The following PRKG1 variants were observed in gnomAD, a reference collection of about 807,000 sequenced individuals.
PRKG1 encodes protein kinase cGMP-dependent 1, also known as cGMP-dependent protein kinase 1.
Under a neutral mutation model 88.1 loss-of-function variants are expected in PRKG1, and 35 were observed. The ratio of observed to expected loss-of-function variants is 0.40; its 90% confidence interval spans 0.30 to 0.53. The LOEUF (loss-of-function observed/expected upper bound fraction) is 0.53, where lower values mean the gene tolerates loss of function less well. Ranked by LOEUF, PRKG1 falls within the 20% of genes least tolerant of loss-of-function variation. PRKG1 has a pLI of 0.59. For synonymous variants in PRKG1, 303 were observed against 292.5 expected (o/e 1.04, Z -0.37); for missense variants, 540 against 839.8 (o/e 0.64, Z 4.41).
intron 2 of PRKG1, among the ~76,000 whole-genome samples, chr10:51,406,293 T>C (rs1218828354): frequency 6.6e-6 from 1 of 152,222 alleles, no homozygotes; most frequent in African/African-American, 2.4e-5. Flanking sequence ...AAGTAAAGCC[T>C]GGCTCAGGTG....
At chr10:51,629,037 G>C (rs1839457318) in intron 3 of PRKG1, among the ~76,000 whole-genome samples, 1 of 152,000 alleles carries the variant, frequency 6.6e-6, no homozygotes. Flanking sequence ...AATCAATTTA[G>C]TGGTTAACAA....
chr10:51,736,305 G>T (rs1210647552), intron 3 of PRKG1, among the ~76,000 whole-genome samples: 1 of 152,074 alleles, frequency 6.6e-6, no homozygotes. Flanking sequence ...TAATAGAGAT[G>T]CTGTCTCAAT....
chr10:52,102,806 A>G (rs984824131), intron 7 of PRKG1, among the ~76,000 whole-genome samples: 9 of 152,052 alleles, frequency 5.9e-5, no homozygotes, highest in African/African-American at 2.2e-4. Flanking sequence ...ATTTCCACTT[A>G]CTAAAGACTG....
chr10:52,129,475 AAT>A (rs913152406), intron 7 of PRKG1, among the ~76,000 whole-genome samples: 6 of 152,182 alleles, frequency 3.9e-5, no homozygotes, highest in African/African-American at 1.2e-4. Flanking sequence ...GTCAAGGATT[AAT>A]ATATATGTTA....
At chr10:52,063,020 T>A (rs541013472) in intron 7 of PRKG1, among the ~76,000 whole-genome samples, 1 of 152,316 alleles carries the variant, frequency 6.6e-6, no homozygotes, top group East Asian at 1.9e-4. Context: ...AAACAATTGT[T>A]ATGGGGTCTT....
At chr10:51,452,723 G>A (rs1387795484) in intron 2 of PRKG1, among the ~76,000 whole-genome samples, 1 of 152,036 alleles carries the variant, frequency 6.6e-6, no homozygotes, top group Non-Finnish European at 1.5e-5. Flanking sequence ...TTGCATCTGT[G>A]TTCATCAGGG....
intron 2 of PRKG1, among the ~76,000 whole-genome samples, chr10:51,459,277 T>A (rs1332005569): frequency 1.3e-5 from 2 of 152,196 alleles, no homozygotes; most frequent in East Asian, 3.9e-4. Flanking sequence ...GGGTAGGACA[T>A]TTATTCTGGC....
At chr10:51,505,301 T>A (rs926210083) in intron 3 of PRKG1, among the ~76,000 whole-genome samples, 2 of 152,232 alleles carry the variant, frequency 1.3e-5, no homozygotes, top group African/African-American at 4.8e-5. Context: ...TGAACCAGCC[T>A]TGCATCCCAG....
chr10:51,534,823 A>G (rs1489965238), intron 3 of PRKG1, among the ~76,000 whole-genome samples: 1 of 152,150 alleles, frequency 6.6e-6, no homozygotes, highest in Non-Finnish European at 1.5e-5. Flanking sequence ...ATCTAGGAGG[A>G]TTGGTGAAAT....
At chr10:51,363,192 T>C (rs961899796) in intron 2 of PRKG1, among the ~76,000 whole-genome samples, 95 of 150,916 alleles carry the variant, frequency 6.3e-4, no homozygotes, top group African/African-American at 2.2e-3. Flanking sequence ...AATAAAGTCT[T>C]CCAGAGGGGA....
intron 5 of PRKG1, among the ~76,000 whole-genome samples, chr10:52,038,419 G>GT (rs1845671812): frequency 6.6e-6 from 1 of 151,742 alleles, no homozygotes; most frequent in African/African-American, 2.4e-5. Context: ...GAAATAAGGG[G>GT]TCGAGCATGG....
At chr10:51,460,613 T>C (rs1033941467) in intron 2 of PRKG1, among the ~76,000 whole-genome samples, 1 of 152,290 alleles carries the variant, frequency 6.6e-6, no homozygotes, top group Middle Eastern at 3.4e-3. Context: ...CAAACACTTA[T>C]CTAGTGCTTG....
intron 3 of PRKG1, among the ~76,000 whole-genome samples, chr10:51,525,073 T>A (rs749410619): frequency 6.6e-6 from 1 of 151,482 alleles, no homozygotes; most frequent in Non-Finnish European, 1.5e-5. Context: ...ATAATCAGTA[T>A]AAAGCACATC....
intron 2 of PRKG1, among the ~76,000 whole-genome samples, chr10:51,179,386 A>G (rs1368316213): frequency 1.3e-5 from 2 of 152,252 alleles, no homozygotes; most frequent in Non-Finnish European, 2.9e-5. Flanking sequence ...GTGATGATTT[A>G]GAGAAGGTTA....
intron 3 of PRKG1, among the ~76,000 whole-genome samples, chr10:51,777,516 C>T (rs1838471094): frequency 6.6e-6 from 1 of 152,038 alleles, no homozygotes; most frequent in Non-Finnish European, 1.5e-5. Flanking sequence ...GCAGAGATTT[C>T]CTGTATACTC....
chr10:52,044,553 A>T lies in PRKG1; in HGVS notation c.763-9931A>T, dbSNP rs146142883. 4.6e-5 allele frequency among the ~76,000 whole-genome samples: 7 copies of T among 152,302 alleles called. No homozygotes were observed. In the East Asian group the frequency reaches 1.3e-3, roughly 29 times the overall value. ...GAAAGTTTATGGCTTTTGTAAAGAA[A>T]GAAAAGTATTTATTTTATCAAAGTG... is the stretch of plus-strand genomic sequence containing the variant. On this transcript the variant is annotated intron_variant, in intron 5 of 17. Transcript: ENST00000373980.
chr10:51,346,032 G>A (rs1842106102), intron 2 of PRKG1, among the ~76,000 whole-genome samples: 1 of 152,140 alleles, frequency 6.6e-6, no homozygotes, highest in African/African-American at 2.4e-5. Flanking sequence ...AGTCTAGCTG[G>A]TATTATAAAT....
At chr10:51,856,986 A>AGG (rs1840700396) in intron 4 of PRKG1, among the ~76,000 whole-genome samples, 2 of 150,932 alleles carry the variant, frequency 1.3e-5, no homozygotes, top group African/African-American at 4.8e-5. Flanking sequence ...AAAAAAAAAA[A>AGG]AAGAAAGAAA....
chr10:51,139,443 A>T (rs550323428), intron 1 of PRKG1, among the ~76,000 whole-genome samples: 2 of 152,212 alleles, frequency 1.3e-5, no homozygotes, highest in Admixed American at 1.3e-4. Context: ...CACCACCCTG[A>T]TGTCCACTGC....
Sources: allele counts gnomAD v4.1 joint callset (sites outside exome capture counted in the v4.1 genomes callset), GRCh38; gene constraint gnomAD v4.1.1; transcripts MANE v1.5; gene names NCBI Gene and HGNC (gene_info 2026-07-23, HGNC 2026-07-21).